The following MAPT variants were observed in gnomAD, a reference collection of about 807,000 sequenced individuals.
The protein encoded by MAPT is microtubule-associated protein tau.
In MAPT, 34 loss-of-function variants were observed where a neutral mutation model predicts 67.9. That is an observed-to-expected ratio of 0.50 (90% CI 0.38 to 0.67). MAPT has a LOEUF of 0.67. MAPT is among the 30% of genes least tolerant of loss of function. The pLI, the probability that MAPT is intolerant of heterozygous loss-of-function variation, is 0.00. For synonymous variants in MAPT, 456 were observed against 464.5 expected (o/e 0.98, Z 0.23); for missense variants, 881 against 1,115.2 (o/e 0.79, Z 2.99).
rs1335714993 is a variant in MAPT, at chr17:46,027,541, G to C, written c.*3370G>C. ...GTTTGCTATTGCTTGTTGTGCTATGGGGGGAGGGGGGAGGAATGTGTAAGA... is the reference window on the plus strand; with the variant it reads ...GTTTGCTATTGCTTGTTGTGCTATGCGGGGAGGGGGGAGGAATGTGTAAGA... On this transcript the variant is annotated 3_prime_UTR_variant, in exon 13 of 13. Transcript: ENST00000262410. The C allele has an allele frequency of 6.6e-6, 1 of 152,280 alleles. No individual in the cohort carries two copies. Among genetic ancestry groups the C allele is most frequent in the East Asian group, 1.9e-4 (1 of 5,200 alleles). The allele number at this position is 152,280 out of a possible 1,614,324, so 9.4% of individuals were successfully genotyped here.
chr17:45,956,548 TTATATATATATATATATATATA>T (rs57223421), intron 1 of MAPT, among the ~76,000 whole-genome samples: 2,216 of 95,178 alleles, frequency 0.023, 80 homozygotes, highest in African/African-American at 0.076. Flanking sequence ...GCAGGTTCTT[TTATATATATATATATATATATA>T]TATATATATA....
At chr17:45,921,369 G>C (rs2065695305) in intron 1 of MAPT, among the ~76,000 whole-genome samples, 1 of 152,200 alleles carries the variant, frequency 6.6e-6, no homozygotes, top group Non-Finnish European at 1.5e-5. Flanking sequence ...CCTGGTCAGA[G>C]CCTGGAGGCT....
intron 1 of MAPT, 32 bp from the exon 2 acceptor site, chr17:45,962,289 T>A: frequency 6.3e-7 from 1 of 1,599,944 alleles, no homozygotes; most frequent in Non-Finnish European, 8.5e-7. Flanking sequence ...CCAACACTCC[T>A]CAGAACTTAT....
At chr17:46,014,092 G>A (rs1029309382) in intron 10 of MAPT, 151 bp from the exon 11 acceptor site, 30 of 687,876 alleles carry the variant, frequency 4.4e-5, no homozygotes, top group Admixed American at 1.0e-4. Context: ...CATGGCAGCT[G>A]GGAACCACTG....
intron 6 of MAPT, 100 bp downstream of exon 6, chr17:45,987,195 G>A: frequency 8.9e-7 from 1 of 1,127,758 alleles, no homozygotes; most frequent in Admixed American, 1.8e-5. Flanking sequence ...GGGAGTATTT[G>A]TCACTAAAGT....
intron 12 of MAPT, among the ~76,000 whole-genome samples, chr17:46,021,991 T>G (rs116174539): frequency 0.011 from 1,612 of 152,260 alleles, 26 homozygotes; most frequent in African/African-American, 0.035. Context: ...AGGAATGTCT[T>G]AAAAAACACT....
intron 3 of MAPT, chr17:45,973,270 T>G (rs1466444296): frequency 6.6e-6 from 1 of 152,188 alleles, no homozygotes; most frequent in Non-Finnish European, 1.5e-5. Flanking sequence ...CCAGATCAGA[T>G]TCTCTTGGCT....
In MAPT at chr17:45,996,454, C is replaced by T. The variant is rs943221590; in HGVS notation, c.1788C>T (p.Gly596=). The T allele has an allele frequency of 6.2e-7, 1 of 1,612,656 alleles. No individual in the cohort carries two copies. Among genetic ancestry groups the T allele is most frequent in the South Asian group, 1.1e-5 (1 of 91,068 alleles). ...GCTACAGCAGCCCCGGCTCCCCAGG[C>T]ACTCCCGGCAGCCGCTCCCGCACCC... ...RSGYSSPGSP[G]TPGSRSRTPS... The change falls in exon 9 of 13, where the codon GGC becomes GGT. Residue 596 remains glycine (G), a synonymous_variant. Coordinates refer to ENST00000262410, the MANE Select transcript of MAPT (RefSeq NM_001377265.1). This position sits in a 1 kb window ranked among gnomAD's most constrained non-coding sequence, Gnocchi z 4.5.
intron 9 of MAPT, among the ~76,000 whole-genome samples, chr17:46,009,879 G>T (rs996241285): frequency 6.6e-6 from 1 of 152,174 alleles, no homozygotes; most frequent in Non-Finnish European, 1.5e-5. Flanking sequence ...GGAATGTGCC[G>T]GTGGGTCTAG....
intron 1 of MAPT, among the ~76,000 whole-genome samples, chr17:45,937,053 C>A (rs1392381290): frequency 6.6e-6 from 1 of 152,138 alleles, no homozygotes; most frequent in East Asian, 1.9e-4. Context: ...AATATGTATG[C>A]GATATGAGAG....
At position 45,983,273 on chromosome 17, in the gene MAPT, C is replaced by G. The variant is rs200089666; in HGVS notation, c.694C>G (p.Pro232Ala). 1.4e-5 allele frequency: 23 copies of G among 1,598,730 alleles called. No homozygotes were observed. In the Admixed American group the frequency reaches 1.7e-4, roughly 12 times the overall value. ...HQLMSGMPGA[P>A]LLPEGPREAT... ...GCTCATGTCCGGCATGCCTGGGGCT[C>G]CCCTCCTGCCTGAGGGCCCCAGAGA... The change falls in exon 5 of 13, where the codon CCC becomes GCC. Residue 232 changes from proline to alanine, a missense_variant. Transcript: ENST00000262410.
chr17:46,019,499 T>G (rs2076389584), intron 12 of MAPT, among the ~76,000 whole-genome samples: 1 of 152,030 alleles, frequency 6.6e-6, no homozygotes. Flanking sequence ...CCCAGGTAGC[T>G]GGAACTACAG....
At chr17:45,982,522 G>T (rs2073076877) in intron 4 of MAPT, among the ~76,000 whole-genome samples, 2 of 152,074 alleles carry the variant, frequency 1.3e-5, no homozygotes, top group Admixed American at 6.5e-5. Flanking sequence ...CTCCAGATGT[G>T]TGACATGCTC....
intron 7 of MAPT, 71 bp from the exon 8 acceptor site, chr17:45,991,389 C>T (rs539540866): frequency 1.9e-4 from 304 of 1,598,040 alleles, no homozygotes; most frequent in Non-Finnish European, 2.5e-4. Context: ...CGGAGTGGGG[C>T]TGGTGTTGAC....
At chr17:46,003,304 A>G (rs531165227) in intron 9 of MAPT, among the ~76,000 whole-genome samples, 5 of 151,930 alleles carry the variant, frequency 3.3e-5, no homozygotes, top group Admixed American at 6.6e-5. Context: ...TTTGAGACAG[A>G]GTCTCACTCT....
At chr17:45,970,770 G>C (rs9904997) in intron 2 of MAPT, among the ~76,000 whole-genome samples, 4,068 of 152,326 alleles carry the variant, frequency 0.027, 198 homozygotes, top group African/African-American at 0.093. Flanking sequence ...TTGGTCCCAT[G>C]CTCTCTAGCC....
intron 3 of MAPT, chr17:45,976,624 C>T (rs1226692951): frequency 6.6e-6 from 1 of 152,408 alleles, no homozygotes; most frequent in African/African-American, 2.4e-5. Flanking sequence ...CAGGTTCCTG[C>T]CTTGCTGGAG....
chr17:46,022,051 C>T (rs16940797), intron 12 of MAPT, among the ~76,000 whole-genome samples: 22,211 of 152,158 alleles, frequency 0.15, 1,917 homozygotes, highest in East Asian at 0.46. Context: ...ATTAAATGGT[C>T]TTTCAAGAAA....
At chr17:45,958,320 G>T (rs2069963576) in intron 1 of MAPT, among the ~76,000 whole-genome samples, 1 of 152,148 alleles carries the variant, frequency 6.6e-6, no homozygotes, top group South Asian at 2.1e-4. Context: ...GCAACCAACT[G>T]GAGAAGATAG....
Sources: gnomAD v4.1 joint callset for allele counts (sites outside exome capture counted in the v4.1 genomes callset) on GRCh38, gnomAD v4.1.1 for gene constraint, Gnocchi (gnomAD v3.1) non-coding constraint, MANE v1.5 for transcripts, NCBI Gene and HGNC (gene_info 2026-07-23, HGNC 2026-07-21) for gene names.